The following PHACTR3 variants were observed in gnomAD, a reference collection of about 807,000 sequenced individuals.
PHACTR3 encodes the protein phosphatase and actin regulator 3.
A neutral mutation model predicts 66.8 loss-of-function variants in PHACTR3; 16 were observed. The ratio of observed to expected loss-of-function variants is 0.24; its 90% CI spans 0.16 to 0.36. The LOEUF (loss-of-function observed/expected upper bound fraction) is 0.36. PHACTR3 is among the 10% of genes least tolerant of loss of function. The probability of loss-of-function intolerance (pLI) is 1.00; values close to 1 mark genes in which losing one functional copy is unlikely to be tolerated. For missense variants in PHACTR3, 647 were observed against 719.9 expected (o/e 0.90, Z 1.16); for synonymous variants, 323 against 292.1 (o/e 1.11, Z -1.08).
chr20:59,729,350 G>A (rs1422176146), intron 1 of PHACTR3, among the ~76,000 whole-genome samples: 1 of 152,126 alleles, frequency 6.6e-6, no homozygotes, highest in African/African-American at 2.4e-5. Flanking sequence ...TGGGTCTCAG[G>A]CCCAGAGAAG....
At chr20:59,807,677 C>T (rs182979069) in intron 8 of PHACTR3, among the ~76,000 whole-genome samples, 13 of 152,292 alleles carry the variant, frequency 8.5e-5, no homozygotes, top group Admixed American at 7.8e-4. Context: ...AGCATCGCCA[C>T]ACACGTTAGG....
chr20:59,769,272 CT>C (rs1384871869), intron 5 of PHACTR3, among the ~76,000 whole-genome samples: 9 of 152,246 alleles, frequency 5.9e-5, no homozygotes, highest in Non-Finnish European at 1.3e-4. Context: ...CACCTGGAAC[CT>C]CAGAACATGA....
chr20:59,846,127 C>T (rs2059142189), intron 12 of PHACTR3, among the ~76,000 whole-genome samples: 1 of 152,132 alleles, frequency 6.6e-6, no homozygotes, highest in Non-Finnish European at 1.5e-5. Context: ...TCTGAAGATG[C>T]TCAAGGCCCA....
At chr20:59,797,196 C>T (rs1444901040) in intron 7 of PHACTR3, among the ~76,000 whole-genome samples, 1 of 152,076 alleles carries the variant, frequency 6.6e-6, no homozygotes, top group Non-Finnish European at 1.5e-5. Flanking sequence ...TAAATGATGA[C>T]TCTTTGTTGA....
At chr20:59,767,093 T>G in intron 4 of PHACTR3, 93 bp from the exon 5 acceptor site, 1 of 1,295,304 alleles carries the variant, frequency 7.7e-7, no homozygotes, top group Non-Finnish European at 1.1e-6. Flanking sequence ...CTCTTCACGA[T>G]CCCATCCCAC....
intron 5 of PHACTR3, among the ~76,000 whole-genome samples, chr20:59,772,676 G>T (rs954441672): frequency 6.6e-6 from 1 of 152,160 alleles, no homozygotes; most frequent in Non-Finnish European, 1.5e-5. Flanking sequence ...GCCGAGTGGG[G>T]CCACCCCCAG....
intron 11 of PHACTR3, chr20:59,844,616 T>C (rs1199503515): frequency 6.6e-6 from 1 of 152,198 alleles, no homozygotes; most frequent in African/African-American, 2.4e-5. Flanking sequence ...CTCACTCATG[T>C]GGGATCAAAA....
At position 59,820,895 on chromosome 20, in the gene PHACTR3, C is replaced by T. The variant is rs1014258408; in HGVS notation, c.1328+14701C>T. On this transcript the variant is annotated intron_variant, in intron 8 of 12. Transcript: ENST00000371015. This position sits in a 1 kb window ranked among gnomAD's most constrained non-coding sequence, Gnocchi z 4.6. ...GGGCTGAGTGAGCCCAGGGAAGTCA[C>T]ATGGTGAGTCCAAGCCTTGAAATGG... Among the ~76,000 whole-genome samples, 4 of 152,174 alleles carry T rather than the reference C, an allele frequency of 2.6e-5. No homozygotes were observed. Among genetic ancestry groups the T allele is most frequent in the Non-Finnish European group, 4.4e-5 (3 of 68,028 alleles).
At chr20:59,692,241 C>T (rs2037134975) in intron 1 of PHACTR3, among the ~76,000 whole-genome samples, 1 of 152,104 alleles carries the variant, frequency 6.6e-6, no homozygotes, top group Admixed American at 6.5e-5. Flanking sequence ...GAACAAAAGC[C>T]CTACAAGCCT....
At chr20:59,750,671 A>T (rs2039546245) in intron 3 of PHACTR3, among the ~76,000 whole-genome samples, 1 of 151,284 alleles carries the variant, frequency 6.6e-6, no homozygotes, top group Non-Finnish European at 1.5e-5. Context: ...GGGCGGCCAC[A>T]GTGCGAGTGG....
rs576134439 is a variant in PHACTR3 at position 59,671,603 on chromosome 20, C to G, written c.118+66471C>G. Among the ~76,000 whole-genome samples the G allele has an allele frequency of 2.3e-4, 35 of 152,350 alleles. No individual in the cohort carries two copies. In the Middle Eastern group the frequency reaches 0.014, roughly 59 times the overall value. ...TCACACCAATATCTGGATTTTCTTT[C>G]TGGCTTGGCTTGAAATACTCAGAGC... On this transcript the variant is annotated intron_variant, in intron 1 of 12. Transcript: ENST00000371015.
intron 6 of PHACTR3, among the ~76,000 whole-genome samples, chr20:59,774,040 T>C (rs1325890853): frequency 6.6e-6 from 1 of 152,242 alleles, no homozygotes; most frequent in African/African-American, 2.4e-5. Flanking sequence ...TGTTCTGTGC[T>C]TTTCAAAACA....
chr20:59,839,750 G>C (rs545509260), intron 9 of PHACTR3, among the ~76,000 whole-genome samples: 9 of 152,266 alleles, frequency 5.9e-5, no homozygotes, highest in African/African-American at 2.2e-4. Flanking sequence ...TCCTTTAAAA[G>C]GCACTGTCAT....
chr20:59,807,989 G>C (rs1401389821), intron 8 of PHACTR3, among the ~76,000 whole-genome samples: 1 of 152,200 alleles, frequency 6.6e-6, no homozygotes, highest in Non-Finnish European at 1.5e-5. Context: ...GGTCCCTGCT[G>C]TCTGCTGGGC....
intron 2 of PHACTR3, among the ~76,000 whole-genome samples, chr20:59,745,817 G>T (rs767527887): frequency 6.6e-6 from 1 of 152,210 alleles, no homozygotes; most frequent in African/African-American, 2.4e-5. Context: ...TTCACAAGCT[G>T]CACCACCACT....
intron 1 of PHACTR3, among the ~76,000 whole-genome samples, chr20:59,618,818 G>A (rs1443854818): frequency 2.0e-5 from 3 of 152,132 alleles, no homozygotes; most frequent in Admixed American, 1.3e-4. Flanking sequence ...GAGCAGGGCC[G>A]AGAGCCTGAG....
chr20:59,819,508 C>CCCGGGCAA (rs2041972408), intron 8 of PHACTR3, among the ~76,000 whole-genome samples: 2 of 151,364 alleles, frequency 1.3e-5, no homozygotes, highest in African/African-American at 4.9e-5. Flanking sequence ...TGCACTCCAG[C>CCCGGGCAA]CCGGGCAACA....
At chr20:59,846,982 A>T (rs2059162978) in intron 12 of PHACTR3, 133 bp from the exon 13 acceptor site, 1 of 609,250 alleles carries the variant, frequency 1.6e-6, no homozygotes, top group African/African-American at 1.8e-5. Flanking sequence ...GAGTAGCTCC[A>T]TCCTCATGTT....
At chr20:59,583,555 C>T (rs1011316763) in intron 1 of PHACTR3, among the ~76,000 whole-genome samples, 17 of 152,254 alleles carry the variant, frequency 1.1e-4, no homozygotes, top group African/African-American at 3.9e-4. Flanking sequence ...GGAGGCTCCC[C>T]GCGTGCCCGC....
Sources: allele counts gnomAD v4.1 joint callset (sites outside exome capture counted in the v4.1 genomes callset), GRCh38; gene constraint gnomAD v4.1.1; non-coding constraint Gnocchi (gnomAD v3.1); transcripts MANE v1.5; gene names NCBI Gene and HGNC (gene_info 2026-07-23, HGNC 2026-07-21).